Variants in DENND3 observed in about 807,000 individuals in gnomAD.
The protein encoded by DENND3 is DENN domain containing 3, also known as DENN domain-containing protein 3.
DENND3 carries 88 observed loss-of-function variants against 135.1 expected under a neutral mutation model. That is an observed-to-expected ratio of 0.65 (90% CI 0.55 to 0.78). The LOEUF (loss-of-function observed/expected upper bound fraction) is 0.78. Among genes scored for constraint, DENND3 ranks in the 30% least tolerant of loss-of-function variants. The probability of loss-of-function intolerance (pLI) is 0.00; values close to 1 mark genes in which losing one functional copy is unlikely to be tolerated. For synonymous variants in DENND3, 693 were observed against 712.3 expected (o/e 0.97, Z 0.43); for missense variants, 1,392 against 1,688.4 (o/e 0.82, Z 3.08).
rs74692864 is a variant in DENND3 at position 141,192,171 on chromosome 8, T to C, written c.3380-160T>C. 0.01 allele frequency: 9,101 copies of C among 905,316 alleles called. 608 individuals are homozygous for C. The African/African-American group carries it at 0.14, about 14-fold the overall frequency. The allele number at this position is 905,316 out of a possible 1,614,324, so 56.1% of individuals were successfully genotyped here. On this transcript the variant is annotated intron_variant, in intron 20 of 22. Transcript: ENST00000519811. Reference sequence around the variant, plus strand: ...GACCCAGGGTTCTAGCTTGCATTTTTTCCCAGTAGACCTCACCTGTGCATT... The same window carrying C: ...GACCCAGGGTTCTAGCTTGCATTTTCTCCCAGTAGACCTCACCTGTGCATT...
chr8:141,188,583 T>C (rs6988366), intron 18 of DENND3: 70,978 of 167,692 alleles, frequency 0.42, 15,303 homozygotes, highest in East Asian at 0.62. Flanking sequence ...AGTTTTCACA[T>C]TTTTTGCTTT....
intron 1 of DENND3, among the ~76,000 whole-genome samples, chr8:141,132,354 A>T (rs1816226388): frequency 6.6e-6 from 1 of 151,924 alleles, no homozygotes; most frequent in Non-Finnish European, 1.5e-5. Flanking sequence ...TTATTTCTAT[A>T]TTTATTATTT....
At chr8:141,158,154 C>T in intron 8 of DENND3, 1 of 1,288,922 alleles carries the variant, frequency 7.8e-7, no homozygotes, top group Non-Finnish European at 1.0e-6. Flanking sequence ...CTGGTTTCTG[C>T]TTGCTTGGGC....
At chr8:141,172,978 A>G (rs915077881) in intron 13 of DENND3, among the ~76,000 whole-genome samples, 7 of 152,268 alleles carry the variant, frequency 4.6e-5, no homozygotes, top group Admixed American at 3.9e-4. Context: ...GCAACTCAGA[A>G]CCCCTGGGAA....
In DENND3 at chr8:141,136,537, T is replaced by C. The variant is rs1185448259; in HGVS notation, c.131T>C (p.Leu44Pro). Residue 44 changes from leucine (L) to proline (P), a missense_variant, in exon 2 of 23, where the codon CTT (leucine) becomes CCT (proline). Transcript: ENST00000519811. ...GCTTATAAAAAGGGAGTCAAACATC[T>C]TTCTGCTCTTCTTGATCCAGAGGTC... ...QVAYKKGVKHLSALLDPEVLS... is the reference protein window; with the variant it reads ...QVAYKKGVKHPSALLDPEVLS... 6.4e-7 allele frequency: 1 copy of C among 1,551,330 alleles called. No individual in the cohort carries two copies. The highest frequency in any genetic ancestry group is 2.0e-5 in the Admixed American group (1 of 50,872).
chr8:141,180,744 C>A lies in DENND3; in HGVS notation c.2837-3C>A. On this transcript the variant is annotated splice_polypyrimidine_tract_variant and splice_region_variant and intron_variant, in intron 16 of 22. Transcript: ENST00000519811. The stretch of plus-strand genomic sequence containing the variant: ...GTAACACTCCAAGTGTCTTGTCTTT[C>A]AGTGCCCATGACGCTTCCGGAGACA... 1 of 1,611,958 alleles carries A rather than the reference C, an allele frequency of 6.2e-7. No individual in the cohort carries two copies. Among genetic ancestry groups the A allele is most frequent in the Non-Finnish European group, 8.5e-7 (1 of 1,178,950 alleles).
Position 141,175,235 on chromosome 8 carries a change from G to C in DENND3, c.2311G>C (p.Asp771His). The C allele has an allele frequency of 1.2e-6, 2 of 1,614,140 alleles. No homozygotes were observed. Among genetic ancestry groups the C allele is most frequent in the Non-Finnish European group, 1.7e-6 (2 of 1,179,996 alleles). The change falls in exon 14 of 23, where the codon GAT (aspartate) becomes CAT (histidine). Residue 771 changes from aspartate to histidine, a missense_variant. Coordinates refer to ENST00000519811, the MANE Select transcript of DENND3 (RefSeq NM_001352890.3). The surrounding 1 kb of genome is among the most constrained non-coding windows in gnomAD (Gnocchi z 5.4). ...ACAAATCGACCCAGAAACATTCAAA[G>C]ATTTCTACAACTGCTGGAAGGAGAC... ...EKQIDPETFK[D>H]FYNCWKETEA...
rs368507839 is a variant in DENND3, at chr8:141,166,532, T to A, written c.1753+143T>A. The stretch of plus-strand genomic sequence containing the variant: ...TGAGTTATTTGAAATGTTTAGAATA[T>A]TCATTTTGCCAAGGTATGCCTTCTA... On this transcript the variant is annotated intron_variant, in intron 12 of 22. Transcript: ENST00000519811. This position sits in a 1 kb window ranked among gnomAD's most constrained non-coding sequence, Gnocchi z 4.3. 1 of 959,086 alleles carries A rather than the reference T, an allele frequency of 1.0e-6. No individual in the cohort carries two copies. Among genetic ancestry groups the A allele is most frequent in the South Asian group, 1.7e-5 (1 of 58,452 alleles). The allele number at this position is 959,086 out of a possible 1,614,324, so 59.4% of individuals were successfully genotyped here.
chr8:141,173,742 G>T (rs1427748545), intron 13 of DENND3: 1 of 152,236 alleles, frequency 6.6e-6, no homozygotes, highest in Non-Finnish European at 1.5e-5. Context: ...GAGGTCACAG[G>T]TACTCCCCTT....
intron 17 of DENND3, 110 bp from the exon 18 acceptor site, chr8:141,185,029 G>A: frequency 1.4e-6 from 2 of 1,397,952 alleles, no homozygotes; most frequent in Non-Finnish European, 1.9e-6. Context: ...CACCTAACAT[G>A]GGCCTGGCGC....
rs75956922 is a variant in DENND3, at chr8:141,194,252, A to G, written c.*19A>G. 2.2e-3 allele frequency: 3,599 copies of G among 1,607,484 alleles called. 62 individuals carry two copies. The African/African-American group carries it at 0.042, about 19-fold the overall frequency. On this transcript the variant is annotated 3_prime_UTR_variant, in exon 23 of 23. Coordinates refer to ENST00000519811, the MANE Select transcript of DENND3 (RefSeq NM_001352890.3). The stretch of plus-strand genomic sequence containing the variant: ...CGAATAAACGTGGCTGAGTCTGCCA[A>G]GTGGAACTGTGCCCTATGTGTGGGG...
In DENND3 at chr8:141,141,313, C is replaced by T; in HGVS notation, c.612C>T (p.Asp204=). The change falls in exon 4 of 23, where the codon GAC becomes GAT. Residue 204 remains aspartate, a synonymous_variant. Coordinates refer to ENST00000519811, the MANE Select transcript of DENND3 (RefSeq NM_001352890.3). The surrounding 1 kb of genome is among the most constrained non-coding windows in gnomAD (Gnocchi z 5.3). ...SRFPYYNSLK[D]CLSCLLALLK... ...TTCCCTATTACAACTCCCTCAAGGA[C>T]TGCCTTTCCTGGTGAGCTGGGGCAC... is the stretch of plus-strand genomic sequence containing the variant. The T allele has an allele frequency of 6.2e-7, 1 of 1,613,282 alleles. No homozygotes were observed.
chr8:141,170,677 C>T (rs552769647), intron 13 of DENND3, among the ~76,000 whole-genome samples: 4 of 152,314 alleles, frequency 2.6e-5, no homozygotes, highest in Non-Finnish European at 5.9e-5. Context: ...CCACTTCCAT[C>T]GAGCTCCTGC....
chr8:141,159,943 G>A (rs530666095), intron 8 of DENND3, among the ~76,000 whole-genome samples: 2 of 152,342 alleles, frequency 1.3e-5, no homozygotes, highest in East Asian at 3.9e-4. Flanking sequence ...TGGGCAGGAA[G>A]TACAGAGGGG....
At chr8:141,133,054 A>G (rs1268338145) in intron 1 of DENND3, among the ~76,000 whole-genome samples, 1 of 152,192 alleles carries the variant, frequency 6.6e-6, no homozygotes, top group East Asian at 1.9e-4. Context: ...CCAGGGGGTG[A>G]TGAGCTGGGA....
At position 141,141,414 on chromosome 8, in the gene DENND3, T is replaced by A; in HGVS notation, c.623+90T>A. ...CAAGGGACCAGGGGGCTGGAGGTGG[T>A]GGGGGGGCAGCTCTCTGTTCCTCTC... On this transcript the variant is annotated intron_variant, in intron 4 of 22. Coordinates refer to ENST00000519811, the MANE Select transcript of DENND3 (RefSeq NM_001352890.3). The surrounding 1 kb of genome is among the most constrained non-coding windows in gnomAD (Gnocchi z 5.3). 1.9e-6 allele frequency: 1 copy of A among 520,990 alleles called. No individual in the cohort carries two copies. Among genetic ancestry groups the A allele is most frequent in the Non-Finnish European group, 2.7e-6 (1 of 370,576 alleles). 32.3% of individuals were successfully genotyped at this position (520,990 alleles called of 1,614,324 possible).
intron 17 of DENND3, chr8:141,184,525 G>A (rs1823632412): frequency 6.6e-6 from 1 of 152,180 alleles, no homozygotes. Flanking sequence ...AAACTAGGGA[G>A]AACGAAAAAC....
rs568937196 is a variant in DENND3, at chr8:141,136,082, G to A, written c.103-427G>A. Reference sequence around the variant, plus strand: ...ATATCCATAGGCTCCTGGCAGCCCCGCTGGGCTGAGTACCGGACCCACATT... The same window carrying A: ...ATATCCATAGGCTCCTGGCAGCCCCACTGGGCTGAGTACCGGACCCACATT... On this transcript the variant is annotated intron_variant, in intron 1 of 22. Coordinates refer to ENST00000519811, the MANE Select transcript of DENND3 (RefSeq NM_001352890.3). Among the ~76,000 whole-genome samples, 27 of 149,412 alleles carry A rather than the reference G, an allele frequency of 1.8e-4. No homozygotes were observed. In the East Asian group the frequency reaches 4.3e-3, roughly 24 times the overall value.
chr8:141,173,965 A>T (rs1821993356), intron 13 of DENND3, among the ~76,000 whole-genome samples: 1 of 152,216 alleles, frequency 6.6e-6, no homozygotes, highest in Non-Finnish European at 1.5e-5. Flanking sequence ...TGCTGGATAC[A>T]GCAGTGCCAT....
Sources: gnomAD v4.1 joint callset for allele counts (sites outside exome capture counted in the v4.1 genomes callset) on GRCh38, gnomAD v4.1.1 for gene constraint, Gnocchi (gnomAD v3.1) non-coding constraint, MANE v1.5 for transcripts, NCBI Gene and HGNC (gene_info 2026-07-23, HGNC 2026-07-21) for gene names.